Variants in NIN observed in about 807,000 individuals in gnomAD.
The protein encoded by NIN is glycogen synthase kinase 3 beta-interacting protein.
A neutral mutation model predicts 257.6 loss-of-function variants in NIN; 137 were observed. The observed-to-expected ratio is 0.53, with a 90% CI of 0.46 to 0.61. NIN has a LOEUF of 0.61. Among genes scored for constraint, NIN ranks in the 20% least tolerant of loss-of-function variants. NIN has a pLI of 0.00. For synonymous variants in NIN, 918 were observed against 919.8 expected (o/e 1.00, Z 0.04); for missense variants, 2,439 against 2,501.2 (o/e 0.98, Z 0.53).
chr14:50,773,233 T>C (rs1039836504), intron 7 of NIN, 138 bp from the exon 8 acceptor site: 1 of 572,252 alleles, frequency 1.7e-6, no homozygotes, highest in South Asian at 2.9e-5. Context: ...TATTCTCACT[T>C]TACTGGTTTC....
chr14:50,754,515 A>G, intron 20 of NIN, 48 bp downstream of exon 20: 1 of 1,486,684 alleles, frequency 6.7e-7, no homozygotes, highest in Non-Finnish European at 9.2e-7. Context: ...AAAAAATGGG[A>G]AAATTTTGGA....
intron 27 of NIN, among the ~76,000 whole-genome samples, chr14:50,737,229 A>C (rs532068973): frequency 1.1e-3 from 175 of 152,238 alleles, no homozygotes; most frequent in Non-Finnish European, 8.7e-4. Context: ...GCCAGATGCT[A>C]CACCCTGAGA....
chr14:50,784,194 T>C lies in NIN; in HGVS notation c.436-5390A>G, dbSNP rs562580380. On this transcript the variant is annotated intron_variant, in intron 5 of 30. Coordinates refer to ENST00000530997, the MANE Select transcript of NIN (RefSeq NM_020921.4). ...TCTGCCACTTTCTGTGACCCCTCAG[T>C]ACCTTACAACGTGAGGAGGACACTC... 4.6e-5 allele frequency among the ~76,000 whole-genome samples: 7 copies of C among 152,346 alleles called. No individual in the cohort carries two copies. The East Asian group carries it at 1.3e-3, about 29-fold the overall frequency.
rs1286886722 is a variant in NIN, at chr14:50,738,303, T to A, written c.5629-17A>T. On this transcript the variant is annotated splice_polypyrimidine_tract_variant and intron_variant, in intron 26 of 30. Transcript: ENST00000530997. ...CTGACGGACCTAACAGGAACAAATG[T>A]AAGAGGAAAAAATGCTAATACAATC... 6 of 1,604,192 alleles carry A rather than the reference T, an allele frequency of 3.7e-6. No homozygotes were observed. Among genetic ancestry groups the A allele is most frequent in the Admixed American group, 1.7e-5 (1 of 57,394 alleles).
chr14:50,726,004 C>G lies in NIN; in HGVS notation c.6141G>C (p.Leu2047=), dbSNP rs551957062. Residue 2047 remains leucine, a synonymous_variant, in exon 30 of 31, where the codon CTG becomes CTC. Coordinates refer to ENST00000530997, the MANE Select transcript of NIN (RefSeq NM_020921.4). The part of the protein sequence containing the change: ...EERMIEVEQK[L]KLVKRLLQEK... Reference sequence around the variant, plus strand: ...CTTGAAGAAGCCTTTTCACTAGTTTCAGTTTCTGTTCAACTTCTATCATTC... The same window carrying G: ...CTTGAAGAAGCCTTTTCACTAGTTTGAGTTTCTGTTCAACTTCTATCATTC... The G allele has an allele frequency of 6.2e-7, 1 of 1,614,120 alleles. No homozygotes were observed. The highest frequency in any genetic ancestry group is 1.7e-5 in the Admixed American group (1 of 60,030).
At chr14:50,790,264 C>T (rs1007934175) in intron 5 of NIN, among the ~76,000 whole-genome samples, 1 of 152,104 alleles carries the variant, frequency 6.6e-6, no homozygotes, top group Non-Finnish European at 1.5e-5. Flanking sequence ...TTATGTTGCC[C>T]GGGCTGGTCT....
chr14:50,737,001 G>C (rs2140437839), intron 27 of NIN, among the ~76,000 whole-genome samples: 1 of 152,270 alleles, frequency 6.6e-6, no homozygotes, highest in Admixed American at 6.5e-5. Flanking sequence ...TGTGACCAGG[G>C]GGTAGCCAGC....
chr14:50,808,852 C>T (rs766375072), intron 3 of NIN, among the ~76,000 whole-genome samples: 9 of 152,144 alleles, frequency 5.9e-5, no homozygotes, highest in Non-Finnish European at 1.3e-4. Context: ...TGTTAGATGC[C>T]CAGCAAGTGG....
intron 10 of NIN, 149 bp downstream of exon 10, chr14:50,771,183 T>A: frequency 8.6e-7 from 1 of 1,161,658 alleles, no homozygotes; most frequent in Non-Finnish European, 1.2e-6. Context: ...TTAATTTTCC[T>A]ATACTTTAAG....
At chr14:50,818,318 C>T (rs1214767986) in intron 3 of NIN, among the ~76,000 whole-genome samples, 1 of 81,664 alleles carries the variant, frequency 1.2e-5, no homozygotes, top group East Asian at 3.5e-4. Context: ...GAGACTCTGT[C>T]AAAAAAAAAA....
intron 12 of NIN, among the ~76,000 whole-genome samples, chr14:50,768,096 CACAG>C (rs1403460430): frequency 1.5e-5 from 2 of 134,732 alleles, no homozygotes; most frequent in Non-Finnish European, 3.3e-5. Flanking sequence ...CACACACACA[CACAG>C]ACGTGCCATT....
chr14:50,770,590 C>A, intron 11 of NIN, 28 bp from the exon 12 acceptor site: 1 of 1,609,584 alleles, frequency 6.2e-7, no homozygotes, highest in Non-Finnish European at 8.5e-7. Context: ...GGACAAGCTG[C>A]CATCACGTCT....
At chr14:50,764,410 A>AT (rs2141693901) in intron 14 of NIN, among the ~76,000 whole-genome samples, 1 of 152,344 alleles carries the variant, frequency 6.6e-6, no homozygotes, top group South Asian at 2.1e-4. Context: ...TAGTGGGAAT[A>AT]TAAAACAGTG....
chr14:50,773,113 C>T lies in NIN; in HGVS notation c.667-18G>A, dbSNP rs1296143537. 4 of 1,605,178 alleles carry T rather than the reference C, an allele frequency of 2.5e-6. No individual in the cohort carries two copies. The Admixed American group carries it at 6.7e-5, about 27-fold the overall frequency. ...TCGAGCATCTAGAAAAGAGTCATCA[C>T]ATATTTTAAATACTCCATTCAAGTA... On this transcript the variant is annotated intron_variant, in intron 7 of 30. Coordinates refer to ENST00000530997, the MANE Select transcript of NIN (RefSeq NM_020921.4).
At chr14:50,749,543 G>C (rs910941235) in intron 21 of NIN, among the ~76,000 whole-genome samples, 2 of 152,078 alleles carry the variant, frequency 1.3e-5, no homozygotes, top group African/African-American at 4.8e-5. Context: ...ACATCTATCA[G>C]TGCATTTTGT....
At chr14:50,752,155 AT>A (rs755995257) in intron 21 of NIN, among the ~76,000 whole-genome samples, 45 of 71,958 alleles carry the variant, frequency 6.3e-4, no homozygotes, top group Non-Finnish European at 9.3e-4. Flanking sequence ...AAATATTTGT[AT>A]AGTTTTTTTT....
At position 50,719,849 on chromosome 14, in the gene NIN, G is replaced by A. The variant is rs538661688; in HGVS notation, c.*3614C>T. On this transcript the variant is annotated 3_prime_UTR_variant, in exon 31 of 31. Transcript: ENST00000530997. ...GCAAAATTATTTATTTACATCTTAA[G>A]CTCACATTAAAATCTTTCTAGGATA... 1 of 201,182 alleles carries A rather than the reference G, an allele frequency of 5.0e-6. No homozygotes were observed. Among genetic ancestry groups the A allele is most frequent in the African/African-American group, 2.3e-5 (1 of 43,666 alleles). The allele number at this position is 201,182 out of a possible 1,614,324, so 12.5% of individuals were successfully genotyped here. A position where few individuals can be genotyped will look rare whatever the true frequency, so the allele number is the denominator to read the frequency against.
intron 14 of NIN, 103 bp from the exon 15 acceptor site, chr14:50,764,067 T>C: frequency 9.5e-7 from 1 of 1,057,404 alleles, no homozygotes; most frequent in Non-Finnish European, 1.4e-6. Flanking sequence ...CAAAATCTTT[T>C]GTGCTTCAAA....
intron 5 of NIN, among the ~76,000 whole-genome samples, chr14:50,785,492 G>C (rs1228538974): frequency 6.6e-6 from 1 of 152,016 alleles, no homozygotes; most frequent in African/African-American, 2.4e-5. Context: ...TTTTGTTTTT[G>C]TTTTTTGGAA....
Sources: allele counts gnomAD v4.1 joint callset (sites outside exome capture counted in the v4.1 genomes callset), GRCh38; gene constraint gnomAD v4.1.1; transcripts MANE v1.5; gene names NCBI Gene and HGNC (gene_info 2026-07-23, HGNC 2026-07-21).